ANKRD30A: variants seen among roughly 807,000 people sequenced by gnomAD.
ANKRD30A encodes ankyrin repeat domain 30A, also known as ankyrin repeat domain-containing protein 30A.
Under a neutral mutation model 166.3 loss-of-function variants are expected in ANKRD30A, and 170 were observed. That is an observed-to-expected ratio of 1.02 (90% CI 0.90 to 1.16). ANKRD30A has a LOEUF of 1.16. Ranked by LOEUF, ANKRD30A falls within the 50% of genes most tolerant of loss-of-function variation. The pLI is 0.00. For synonymous variants in ANKRD30A, 564 were observed against 508.9 expected, an observed-to-expected ratio of 1.11 and a Z score of -1.46; for missense variants, 1,630 against 1,518.0, an observed-to-expected ratio of 1.07 and a Z score of -1.23.
rs1156537588 is a variant in ANKRD30A at position 37,157,812 on chromosome 10, A to G, written c.1799-580A>G. 3.3e-5 allele frequency among the ~76,000 whole-genome samples: 5 copies of G among 152,332 alleles called. No homozygotes were observed. The East Asian group carries it at 9.6e-4, about 29-fold the overall frequency. ...GGTACAAAAATGAATATATTTATTA[A>G]CTTTTATTCTATAAGTAGATATGCT... On this transcript the variant is annotated intron_variant, in intron 13 of 35. Transcript: ENST00000361713.
chr10:37,134,642 T>A (rs1456957021), intron 5 of ANKRD30A, among the ~76,000 whole-genome samples: 1 of 152,214 alleles, frequency 6.6e-6, no homozygotes. Flanking sequence ...GTTTCCAAAG[T>A]ACCAGCACCC....
At chr10:37,223,323 G>C (rs1842978946) in intron 34 of ANKRD30A, among the ~76,000 whole-genome samples, 1 of 149,808 alleles carries the variant, frequency 6.7e-6, no homozygotes, top group African/African-American at 2.4e-5. Flanking sequence ...AAAAGAAAAA[G>C]AAAAAAAAAC....
At chr10:37,200,969 C>T (rs1310432294) in intron 30 of ANKRD30A, among the ~76,000 whole-genome samples, 2 of 151,920 alleles carry the variant, frequency 1.3e-5, no homozygotes, top group African/African-American at 2.4e-5. Context: ...GAAATATGCA[C>T]GATTGAATTT....
intron 1 of ANKRD30A, 117 bp from the exon 2 acceptor site, chr10:37,129,776 G>C: frequency 2.1e-6 from 1 of 471,870 alleles, no homozygotes; most frequent in Non-Finnish European, 3.5e-6. Context: ...AGAATATTAA[G>C]TATTTGTTTT....
rs548831548 is a variant in ANKRD30A at position 37,204,754 on chromosome 10, A to G, written c.2869+3429A>G. ...ATCTACAAAAACTTAAGTTTACAAG[A>G]AAAAATCAAACACCCCATGAAAAAG... On this transcript the variant is annotated intron_variant, in intron 31 of 35. Coordinates refer to ENST00000361713, the MANE Select transcript of ANKRD30A (RefSeq NM_052997.3). Among the ~76,000 whole-genome samples, 34 of 152,300 alleles carry G rather than the reference A, an allele frequency of 2.2e-4. 2 individuals are homozygous for G. The South Asian group carries it at 6.8e-3, about 31-fold the overall frequency.
At chr10:37,228,220 G>A (rs1230739188) in intron 34 of ANKRD30A, among the ~76,000 whole-genome samples, 1 of 151,990 alleles carries the variant, frequency 6.6e-6, no homozygotes, top group African/African-American at 2.4e-5. Context: ...GAAATTAGTT[G>A]TTTGAATTTC....
intron 7 of ANKRD30A, among the ~76,000 whole-genome samples, chr10:37,144,686 G>A (rs1267150336): frequency 5.9e-5 from 9 of 152,154 alleles, no homozygotes; most frequent in African/African-American, 1.7e-4. Context: ...TGAGTGAACA[G>A]CAAATATCTG....
chr10:37,243,309 T>C, the ANKRD30A span, among the ~76,000 whole-genome samples: 216 of 151,000 alleles, frequency 1.4e-3, no homozygotes, highest in African/African-American at 4.9e-3. Flanking sequence ...TTTTTTTTTT[T>C]TTTTTTTTGT....
intron 32 of ANKRD30A, among the ~76,000 whole-genome samples, chr10:37,217,088 G>C (rs1224207789): frequency 6.6e-6 from 1 of 150,722 alleles, no homozygotes; most frequent in East Asian, 2.0e-4. Flanking sequence ...TGTTCTAAAA[G>C]AGATTTAAAA....
intron 21 of ANKRD30A, among the ~76,000 whole-genome samples, chr10:37,171,436 C>G (rs1269137724): frequency 6.7e-6 from 1 of 150,006 alleles, no homozygotes. Context: ...AACTGTTACT[C>G]ATTAACCATG....
At chr10:37,150,046 C>G (rs559249503) in intron 11 of ANKRD30A, among the ~76,000 whole-genome samples, 197 bp downstream of exon 11, 2 of 151,926 alleles carry the variant, frequency 1.3e-5, no homozygotes, top group African/African-American at 2.4e-5. Context: ...AAAAATGTAG[C>G]CTTAATCTCA....
intron 15 of ANKRD30A, among the ~76,000 whole-genome samples, chr10:37,162,098 A>G (rs1023245809): frequency 5.6e-4 from 86 of 152,278 alleles, no homozygotes; most frequent in African/African-American, 1.9e-3. Context: ...CAGCTAAAGT[A>G]GAGGATACAG....
chr10:37,192,477 T>G (rs1386630225), intron 25 of ANKRD30A, among the ~76,000 whole-genome samples: 1 of 151,762 alleles, frequency 6.6e-6, no homozygotes, highest in African/African-American at 2.4e-5. Flanking sequence ...ATGAATATAT[T>G]TATTAACTTT....
chr10:37,251,901 C>A, the ANKRD30A span, among the ~76,000 whole-genome samples: 4 of 152,124 alleles, frequency 2.6e-5, no homozygotes, highest in Admixed American at 2.0e-4. Flanking sequence ...AAATTTCTTT[C>A]AACCATCACA....
At position 37,125,689 on chromosome 10, in the gene ANKRD30A, G is replaced by A; in HGVS notation, c.-99G>A. 1 of 512,398 alleles carries A rather than the reference G, an allele frequency of 2.0e-6. No individual in the cohort carries two copies. Among genetic ancestry groups the A allele is most frequent in the Non-Finnish European group, 3.5e-6 (1 of 282,140 alleles). The allele number at this position is 512,398 out of a possible 1,614,324, so 31.7% of individuals were successfully genotyped here. Reference sequence around the variant, plus strand: ...TTTTACGGGTATCGAGGCGGTGCGTGGACTGAAGAAGGGCGAGGGCGATTG... The same window carrying A: ...TTTTACGGGTATCGAGGCGGTGCGTAGACTGAAGAAGGGCGAGGGCGATTG... On this transcript the variant is annotated 5_prime_UTR_variant, in exon 1 of 36. Transcript: ENST00000361713.
chr10:37,222,330 T>C (rs1440539599), intron 34 of ANKRD30A, among the ~76,000 whole-genome samples: 1 of 151,402 alleles, frequency 6.6e-6, no homozygotes, highest in East Asian at 1.9e-4. Context: ...TTGCCTGTTC[T>C]GAACATTTCA....
At chr10:37,205,631 C>T (rs756961669) in intron 31 of ANKRD30A, among the ~76,000 whole-genome samples, 4 of 152,006 alleles carry the variant, frequency 2.6e-5, no homozygotes, top group African/African-American at 4.8e-5. Flanking sequence ...CGTACTTACA[C>T]GCTTGTGGAA....
intron 30 of ANKRD30A, among the ~76,000 whole-genome samples, chr10:37,200,720 T>C (rs1410307834): frequency 6.6e-6 from 1 of 152,128 alleles, no homozygotes; most frequent in African/African-American, 2.4e-5. Flanking sequence ...CCCTTGTTTA[T>C]CAAAATAAAG....
intron 29 of ANKRD30A, 51 bp downstream of exon 29, chr10:37,197,531 T>C (rs1209526558): frequency 3.7e-6 from 6 of 1,609,398 alleles, no homozygotes; most frequent in Non-Finnish European, 5.1e-6. Context: ...ATATTGAACA[T>C]TTTGATGGTC....
Sources: allele counts gnomAD v4.1 joint callset (sites outside exome capture counted in the v4.1 genomes callset), GRCh38; gene constraint gnomAD v4.1.1; transcripts MANE v1.5; gene names NCBI Gene and HGNC (gene_info 2026-07-23, HGNC 2026-07-21).